ZNF282: variants seen among roughly 807,000 people sequenced by gnomAD.
ZNF282 encodes the protein HTLV-I U5 repressive element-binding protein 1.
Under a neutral mutation model 61.9 loss-of-function variants are expected in ZNF282, and 30 were observed. The ratio of observed to expected loss-of-function variants is 0.48; its 90% CI spans 0.36 to 0.66. The LOEUF is 0.66. ZNF282 is among the 30% of genes least tolerant of loss of function. ZNF282 has a pLI of 0.00. For missense variants in ZNF282, 788 were observed against 941.4 expected, an observed-to-expected ratio of 0.84 and a Z score of 2.13; for synonymous variants, 396 against 405.0, an observed-to-expected ratio of 0.98 and a Z score of 0.27.
chr7:149,200,149 G>A (rs530417086), intron 2 of ZNF282, among the ~76,000 whole-genome samples: 20 of 152,248 alleles, frequency 1.3e-4, no homozygotes, highest in African/African-American at 4.3e-4. Context: ...CACCTGTCCT[G>A]TTTTGCATCT....
In ZNF282 at chr7:149,213,685, C is replaced by A. The variant is rs1383782311; in HGVS notation, c.1067-16C>A. The stretch of plus-strand genomic sequence containing the variant: ...ACTGAACAAAATCTAAGACTGCCTT[C>A]TTTCCATGACAACAGAGTCTCTCAT... On this transcript the variant is annotated splice_polypyrimidine_tract_variant and intron_variant, in intron 6 of 7. Transcript: ENST00000610704. 1 of 1,600,734 alleles carries A rather than the reference C, an allele frequency of 6.2e-7. No homozygotes were observed. The highest frequency in any genetic ancestry group is 1.7e-4 in the Middle Eastern group (1 of 6,054).
At chr7:149,218,899 G>T (rs1796197461) in intron 7 of ZNF282, among the ~76,000 whole-genome samples, 1 of 152,182 alleles carries the variant, frequency 6.6e-6, no homozygotes, top group South Asian at 2.1e-4. Flanking sequence ...GTCTGGGATG[G>T]TCCTAAGCCT....
In ZNF282 at chr7:149,219,676, G is replaced by A. The variant is rs531169945; in HGVS notation, c.1181-4136G>A. The stretch of plus-strand genomic sequence containing the variant: ...AGCCTGGCCAACATGGAGAGACCCT[G>A]TCTCTACTAAAAATACAAAAATTAG... On this transcript the variant is annotated intron_variant, in intron 7 of 7. Coordinates refer to ENST00000610704, the MANE Select transcript of ZNF282 (RefSeq NM_003575.4). 8.7e-3 allele frequency among the ~76,000 whole-genome samples: 1,328 copies of A among 152,206 alleles called. 18 individuals are homozygous for A. The highest frequency in any genetic ancestry group is 0.034 in the Middle Eastern group (10 of 294).
chr7:149,196,846 C>T (rs1473260519), intron 1 of ZNF282, among the ~76,000 whole-genome samples: 1 of 152,124 alleles, frequency 6.6e-6, no homozygotes, highest in East Asian at 1.9e-4. Flanking sequence ...GCCCTGCTCT[C>T]CACTCTGCTG....
intron 7 of ZNF282, 59 bp from the exon 8 acceptor site, chr7:149,223,753 C>T: frequency 7.1e-7 from 1 of 1,400,400 alleles, no homozygotes; most frequent in South Asian, 1.7e-5. Context: ...CCTTCGGGAG[C>T]AGTGTGGGGT....
At chr7:149,200,384 G>A (rs1795888700) in intron 2 of ZNF282, among the ~76,000 whole-genome samples, 2 of 152,018 alleles carry the variant, frequency 1.3e-5, no homozygotes, top group Admixed American at 1.3e-4. Context: ...CACTCTCTCC[G>A]TGAAACCCCT....
chr7:149,212,580 C>A, intron 6 of ZNF282, 109 bp downstream of exon 6: 3 of 948,122 alleles, frequency 3.2e-6, no homozygotes, highest in Non-Finnish European at 4.7e-6. Context: ...ATTACTTCAG[C>A]ACTGATTTTT....
intron 1 of ZNF282, 24 bp downstream of exon 1, chr7:149,195,778 T>G: frequency 6.8e-7 from 1 of 1,471,278 alleles, no homozygotes; most frequent in East Asian, 3.0e-5. Context: ...GCCGGCGCCA[T>G]GGCCGCGCTG....
chr7:149,219,141 C>T (rs947540941), intron 7 of ZNF282, among the ~76,000 whole-genome samples: 1 of 152,176 alleles, frequency 6.6e-6, no homozygotes, highest in African/African-American at 2.4e-5. Flanking sequence ...AAACCCTAAA[C>T]CTTTAGTCAC....
intron 2 of ZNF282, 109 bp from the exon 3 acceptor site, chr7:149,206,587 G>C: frequency 6.5e-7 from 1 of 1,543,222 alleles, no homozygotes; most frequent in Non-Finnish European, 8.8e-7. Context: ...GAGCCACGGA[G>C]AGCAAAGGCC....
intron 1 of ZNF282, among the ~76,000 whole-genome samples, chr7:149,196,179 C>A (rs908605781): frequency 6.6e-6 from 1 of 152,306 alleles, no homozygotes; most frequent in Non-Finnish European, 1.5e-5. Flanking sequence ...TACACGGTGG[C>A]CAATTTGACG....
At chr7:149,204,541 A>T (rs1344449271) in intron 2 of ZNF282, among the ~76,000 whole-genome samples, 1 of 152,136 alleles carries the variant, frequency 6.6e-6, no homozygotes, top group Non-Finnish European at 1.5e-5. Flanking sequence ...TAAGCTTCAC[A>T]GGCAGGAGGT....
chr7:149,199,087 G>A (rs528170081), intron 2 of ZNF282, among the ~76,000 whole-genome samples: 1 of 152,288 alleles, frequency 6.6e-6, no homozygotes, highest in South Asian at 2.1e-4. Flanking sequence ...GCGATCATGT[G>A]TCATTGGCTG....
At chr7:149,210,506 T>C (rs974823412) in intron 4 of ZNF282, 79 bp from the exon 5 acceptor site, 1 of 1,574,658 alleles carries the variant, frequency 6.4e-7, no homozygotes, top group Admixed American at 1.9e-5. Context: ...CAAAGCAATG[T>C]CATTCTCTGT....
At chr7:149,220,759 C>T (rs1448239454) in intron 7 of ZNF282, among the ~76,000 whole-genome samples, 1 of 151,668 alleles carries the variant, frequency 6.6e-6, no homozygotes, top group African/African-American at 2.4e-5. Context: ...ACTTACCAGC[C>T]AGTGACTGGA....
intron 2 of ZNF282, among the ~76,000 whole-genome samples, chr7:149,204,971 C>A (rs191408266): frequency 0.012 from 1,830 of 151,850 alleles, 28 homozygotes; most frequent in African/African-American, 0.038. Flanking sequence ...ACAACAACAA[C>A]AAAAAAATTA....
chr7:149,221,719 G>A (rs1429700758), intron 7 of ZNF282, among the ~76,000 whole-genome samples: 3 of 152,146 alleles, frequency 2.0e-5, no homozygotes, highest in Non-Finnish European at 4.4e-5. Context: ...CTGCAGAGAT[G>A]GTTCTCTGCC....
intron 2 of ZNF282, among the ~76,000 whole-genome samples, chr7:149,201,216 C>G (rs1239891630): frequency 6.6e-6 from 1 of 152,212 alleles, no homozygotes. Flanking sequence ...TACTTCCAAT[C>G]TATTAGTAAA....
At chr7:149,220,754 C>A (rs1052859768) in intron 7 of ZNF282, among the ~76,000 whole-genome samples, 3 of 152,050 alleles carry the variant, frequency 2.0e-5, no homozygotes, top group South Asian at 2.1e-4. Flanking sequence ...GAATCACTTA[C>A]CAGCCAGTGA....
Sources: gnomAD v4.1 joint callset for allele counts (sites outside exome capture counted in the v4.1 genomes callset) on GRCh38, gnomAD v4.1.1 for gene constraint, MANE v1.5 for transcripts, NCBI Gene and HGNC (gene_info 2026-07-23, HGNC 2026-07-21) for gene names.